The following KIF1A variants were observed in gnomAD, a reference collection of about 807,000 sequenced individuals.
KIF1A encodes kinesin family member 1A.
In KIF1A, 46 loss-of-function variants were observed where a neutral mutation model predicts 227.3. The ratio of observed to expected loss-of-function variants is 0.20; its 90% CI spans 0.16 to 0.26. The LOEUF (loss-of-function observed/expected upper bound fraction) is 0.26. Ranked by LOEUF, KIF1A falls within the 10% of genes least tolerant of loss-of-function variation. KIF1A has a pLI of 1.00. For synonymous variants in KIF1A, 1,022 were observed against 1,012.8 expected, an observed-to-expected ratio of 1.01 and a Z score of -0.17; for missense variants, 1,683 against 2,485.9, an observed-to-expected ratio of 0.68 and a Z score of 6.87.
Position 240,767,355 on chromosome 2 carries a change from G to A in KIF1A, c.1498-10C>T. On this transcript the variant is annotated splice_polypyrimidine_tract_variant and intron_variant, in intron 17 of 48. Transcript: ENST00000498729. ...TGACGAGGTGTGGTGTCTGCAGGGA[G>A]ACAGGAGGATCATCTCTCTTGCAGA... 1.9e-6 allele frequency: 3 copies of A among 1,610,312 alleles called. No individual in the cohort carries two copies. Among genetic ancestry groups the A allele is most frequent in the African/African-American group, 1.3e-5 (1 of 74,868 alleles).
rs1575645417 is a variant in KIF1A, at chr2:240,792,545, G to A, written c.107-3233C>T. 2.0e-5 allele frequency among the ~76,000 whole-genome samples: 3 copies of A among 152,122 alleles called. 1 individual carries two copies. The South Asian group carries it at 6.3e-4, about 32-fold the overall frequency. On this transcript the variant is annotated intron_variant, in intron 2 of 48. Transcript: ENST00000498729. The surrounding 1 kb of genome is among the most constrained non-coding windows in gnomAD (Gnocchi z 4.5). ...GGGGGGAGGGTTGGGGTGAGGAGTG[G>A]GGGGAGCTGGAAGAAGGGGGACGGG...
intron 2 of KIF1A, among the ~76,000 whole-genome samples, chr2:240,796,333 C>T (rs912514594): frequency 1.6e-4 from 24 of 152,208 alleles, no homozygotes; most frequent in African/African-American, 5.1e-4. Flanking sequence ...GCTAATGCAG[C>T]GAGCGTTGTT....
chr2:240,783,520 C>T (rs1230078846), intron 8 of KIF1A, among the ~76,000 whole-genome samples: 3 of 152,194 alleles, frequency 2.0e-5, no homozygotes, highest in African/African-American at 7.2e-5. Context: ...AAGAGGACAC[C>T]GTCCCGCCAA....
chr2:240,725,490 C>T lies in KIF1A; in HGVS notation c.4123-86G>A, dbSNP rs2045905624. The T allele has an allele frequency of 2.0e-6, 3 of 1,478,114 alleles. No individual in the cohort carries two copies. Among genetic ancestry groups the T allele is most frequent in the Non-Finnish European group, 2.8e-6 (3 of 1,084,008 alleles). 91.6% of individuals were successfully genotyped at this position (1,478,114 alleles called of 1,614,324 possible). On this transcript the variant is annotated intron_variant, in intron 39 of 48. Coordinates refer to ENST00000498729, the MANE Select transcript of KIF1A (RefSeq NM_001244008.2). This position sits in a 1 kb window ranked among gnomAD's most constrained non-coding sequence, Gnocchi z 5.8. ...CAGCCTTCTCCTGGGGGCACAATGC[C>T]CAGCACCGACAGGCAGCCCCAGGGC...
At chr2:240,720,217 G>A in intron 45 of KIF1A, 1 of 318,760 alleles carries the variant, frequency 3.1e-6, no homozygotes, top group Non-Finnish European at 5.7e-6. Flanking sequence ...TGGCTCTCCT[G>A]CCCCCACCTC....
chr2:240,781,431 C>A (rs1423270016), intron 10 of KIF1A, among the ~76,000 whole-genome samples: 1 of 21,964 alleles, frequency 4.6e-5, no homozygotes, highest in South Asian at 1.1e-3. Context: ...ACACACAGCT[C>A]CACACACACA....
Position 240,792,857 on chromosome 2 carries a change from C to T in KIF1A, c.107-3545G>A, listed in dbSNP as rs2055889880. Among the ~76,000 whole-genome samples the T allele has an allele frequency of 6.6e-6, 1 of 152,168 alleles. No homozygotes were observed. Among genetic ancestry groups the T allele is most frequent in the Admixed American group, 6.5e-5 (1 of 15,286 alleles). ...CCGAGCTCCCTGGGCCAGGCAAGGA[C>T]ACAGCAGGAAGGCAGCAGCTGCAGG... On this transcript the variant is annotated intron_variant, in intron 2 of 48. Coordinates refer to ENST00000498729, the MANE Select transcript of KIF1A (RefSeq NM_001244008.2). This position sits in a 1 kb window ranked among gnomAD's most constrained non-coding sequence, Gnocchi z 4.5.
chr2:240,755,433 G>T (rs1014056546), intron 27 of KIF1A, among the ~76,000 whole-genome samples: 1 of 152,194 alleles, frequency 6.6e-6, no homozygotes, highest in Non-Finnish European at 1.5e-5. Context: ...CCTTTCCAGA[G>T]GGGACAAGAG....
chr2:240,816,412 T>A (rs1479829748), intron 1 of KIF1A, among the ~76,000 whole-genome samples: 2 of 152,032 alleles, frequency 1.3e-5, no homozygotes, highest in African/African-American at 4.8e-5. Flanking sequence ...TGCATGTGAC[T>A]ATGAGTGTGT....
intron 2 of KIF1A, among the ~76,000 whole-genome samples, chr2:240,794,191 T>C (rs1328506893): frequency 6.6e-6 from 1 of 152,220 alleles, no homozygotes; most frequent in Non-Finnish European, 1.5e-5. Context: ...GCGCCAGGCC[T>C]AGGGGACATC....
At chr2:240,735,803 C>A (rs2047244334) in intron 38 of KIF1A, among the ~76,000 whole-genome samples, 1 of 152,152 alleles carries the variant, frequency 6.6e-6, no homozygotes, top group African/African-American at 2.4e-5. Context: ...TGGTCTGCCT[C>A]ACCTCTCCCT....
intron 43 of KIF1A, among the ~76,000 whole-genome samples, 154 bp from the exon 44 acceptor site, chr2:240,722,038 C>T (rs1480096957): frequency 1.3e-5 from 2 of 152,210 alleles, no homozygotes; most frequent in Non-Finnish European, 2.9e-5. Flanking sequence ...CCACCCCGCC[C>T]AGGTCATCGG....
At position 240,774,219 on chromosome 2, in the gene KIF1A, G is replaced by A. The variant is rs2125976763; in HGVS notation, c.1001C>T (p.Ala334Val). The change falls in exon 12 of 49, where the codon GCA becomes GTA. Residue 334 changes from alanine to valine, a missense_variant. Ala to Val is a moderately conservative substitution (Grantham distance 64). Around this residue, in one of 12 missense-constraint regions of KIF1A, gnomAD observed 15 missense variants for 78.3 expected, o/e 0.19. Coordinates refer to ENST00000498729, the MANE Select transcript of KIF1A (RefSeq NM_001244008.2). ...AAGGGTCTCATCGTAGTTGATGTCT[G>A]CAGGACTCAAGGCTGCCACCATAGC... Reference protein sequence around the residue: ...RTAMVAALSPADINYDETLST... With the variant: ...RTAMVAALSPVDINYDETLST... The A allele has an allele frequency of 6.2e-7, 1 of 1,611,006 alleles. No homozygotes were observed. The highest frequency in any genetic ancestry group is 8.5e-7 in the Non-Finnish European group (1 of 1,177,842).
rs371267224 is a variant in KIF1A at position 240,716,242 on chromosome 2, G to C, written c.*1122C>G. 6.6e-6 allele frequency: 1 copy of C among 152,216 alleles called. No homozygotes were observed. The highest frequency in any genetic ancestry group is 1.5e-5 in the Non-Finnish European group (1 of 68,014). 9.4% of individuals were successfully genotyped at this position (152,216 alleles called of 1,614,324 possible). A position where few individuals can be genotyped will look rare whatever the true frequency, so the allele number is the denominator to read the frequency against. On this transcript the variant is annotated 3_prime_UTR_variant, in exon 49 of 49. Transcript: ENST00000498729. ...GGGACTCACAGAAACTCTCTGCCCT[G>C]GGAACAAAGAGAGGAAAGTCTTTGC...
At chr2:240,734,122 C>T (rs1180330112) in intron 38 of KIF1A, among the ~76,000 whole-genome samples, 3 of 152,240 alleles carry the variant, frequency 2.0e-5, no homozygotes, top group South Asian at 2.1e-4. Flanking sequence ...GCCAGAGGAG[C>T]GTGGCTGGAG....
intron 33 of KIF1A, 44 bp downstream of exon 33, chr2:240,743,898 C>A: frequency 7.7e-7 from 1 of 1,291,008 alleles, no homozygotes; most frequent in Admixed American, 1.7e-5. Context: ...TGGGCAGGGG[C>A]TTTGAGGACA....
rs1396804223 is a variant in KIF1A, at chr2:240,793,600, G to T, written c.106+4047C>A. Among the ~76,000 whole-genome samples, 1 of 152,136 alleles carries T rather than the reference G, an allele frequency of 6.6e-6. No homozygotes were observed. The highest frequency in any genetic ancestry group is 1.5e-5 in the Non-Finnish European group (1 of 68,018). ...ACTCACACTCAACTTCTGCCCCCAG[G>T]CCAACCTACACTAGCTCTGCCAGGT... On this transcript the variant is annotated intron_variant, in intron 2 of 48. Transcript: ENST00000498729. The surrounding 1 kb of genome is among the most constrained non-coding windows in gnomAD (Gnocchi z 4.8).
chr2:240,721,879 C>T lies in KIF1A; in HGVS notation c.4671G>A (p.Leu1557=). Residue 1557 remains leucine, a synonymous_variant, in exon 44 of 49, where the codon TTG becomes TTA. Coordinates refer to ENST00000498729, the MANE Select transcript of KIF1A (RefSeq NM_001244008.2). ...ERQRELAVKC[L]RLLTHTFNRE... The stretch of plus-strand genomic sequence containing the variant: ...TGTTGAATGTGTGCGTGAGCAGGCG[C>T]AAGCACTGTGGACAGAGCACACGCG... The T allele has an allele frequency of 6.2e-7, 1 of 1,605,288 alleles. No individual in the cohort carries two copies. The highest frequency in any genetic ancestry group is 8.5e-7 in the Non-Finnish European group (1 of 1,178,944).
intron 46 of KIF1A, among the ~76,000 whole-genome samples, chr2:240,719,463 A>G (rs1431896725): frequency 6.6e-6 from 1 of 152,222 alleles, no homozygotes; most frequent in African/African-American, 2.4e-5. Context: ...GAAGGCTGTC[A>G]CACTGTACCC....
Sources: gnomAD v4.1 joint callset for allele counts (sites outside exome capture counted in the v4.1 genomes callset) on GRCh38, gnomAD v4.1.1 for gene constraint, gnomAD v4.1.1 regional missense constraint, Gnocchi (gnomAD v3.1) non-coding constraint, MANE v1.5 for transcripts, NCBI Gene and HGNC (gene_info 2026-07-23, HGNC 2026-07-21) for gene names.